Variants in KCNQ1 observed in about 807,000 individuals in gnomAD.
The protein encoded by KCNQ1 is potassium voltage-gated channel subfamily KQT member 1.
A neutral mutation model predicts 72.4 loss-of-function variants in KCNQ1; 49 were observed. The ratio of observed to expected loss-of-function variants is 0.68; its 90% CI spans 0.54 to 0.86. The LOEUF (loss-of-function observed/expected upper bound fraction) is 0.86. Ranked by LOEUF, KCNQ1 falls within the 40% of genes least tolerant of loss-of-function variation. The pLI, the probability that KCNQ1 is intolerant of heterozygous loss-of-function variation, is 0.00. For synonymous variants in KCNQ1, 450 were observed against 412.6 expected (o/e 1.09, Z -1.10); for missense variants, 790 against 945.1 (o/e 0.84, Z 2.15).
At chr11:2,743,141 C>A (rs751030560) in intron 11 of KCNQ1, among the ~76,000 whole-genome samples, 5 of 152,144 alleles carry the variant, frequency 3.3e-5, no homozygotes, top group Non-Finnish European at 5.9e-5. Context: ...GCCTGGAGAC[C>A]CAGTTGTCAT....
At chr11:2,806,328 C>T (rs1847372898) in intron 15 of KCNQ1, among the ~76,000 whole-genome samples, 2 of 152,074 alleles carry the variant, frequency 1.3e-5, no homozygotes, top group African/African-American at 4.8e-5. Flanking sequence ...GAGGGAGGTA[C>T]GCAGGGAGGC....
In KCNQ1 at chr11:2,711,292, TC is replaced by T. The variant is rs1851000435; in HGVS notation, c.1514+49215del. On this transcript the variant is annotated intron_variant, in intron 11 of 15. Coordinates refer to ENST00000155840, the MANE Select transcript of KCNQ1 (RefSeq NM_000218.3). This position sits in a 1 kb window ranked among gnomAD's most constrained non-coding sequence, Gnocchi z 5.4. ...TCCAGCCCATCTCCCTTGGAGTCTC[TC>T]CCCGACTCCAGGGCTCATGGCCCCT... is the stretch of plus-strand genomic sequence containing the variant. Among the ~76,000 whole-genome samples, 1 of 152,198 alleles carries T rather than the reference TC, an allele frequency of 6.6e-6. No homozygotes were observed. Among genetic ancestry groups the T allele is most frequent in the African/African-American group, 2.4e-5 (1 of 41,450 alleles).
chr11:2,812,826 T>C (rs1024629789), intron 15 of KCNQ1, among the ~76,000 whole-genome samples: 1 of 152,184 alleles, frequency 6.6e-6, no homozygotes, highest in Non-Finnish European at 1.5e-5. Context: ...CCCAGCCTCC[T>C]GGGGGCTTCC....
rs1004146759 is a variant in KCNQ1 at position 2,608,649 on chromosome 11, A to T, written c.1393+19795A>T. 1.0e-5 allele frequency: 4 copies of T among 398,392 alleles called. No homozygotes were observed. Among genetic ancestry groups the T allele is most frequent in the African/African-American group, 2.1e-5 (1 of 48,574 alleles). 24.7% of individuals were successfully genotyped at this position (398,392 alleles called of 1,614,324 possible). A position where few individuals can be genotyped will look rare whatever the true frequency, so the allele number is the denominator to read the frequency against. ...CTGTTATTCAAAAAATATTTTGTAGAGATAGGGTCTTGCTTTGTTGTGCAT... is the reference window on the plus strand; with the variant it reads ...CTGTTATTCAAAAAATATTTTGTAGTGATAGGGTCTTGCTTTGTTGTGCAT... On this transcript the variant is annotated intron_variant, in intron 10 of 15. Transcript: ENST00000155840. The surrounding 1 kb of genome is among the most constrained non-coding windows in gnomAD (Gnocchi z 4.6).
intron 15 of KCNQ1, among the ~76,000 whole-genome samples, chr11:2,789,037 C>T (rs1194722186): frequency 6.6e-6 from 1 of 152,104 alleles, no homozygotes; most frequent in Non-Finnish European, 1.5e-5. Context: ...TGGCCAGGGA[C>T]CGAGGCCCCG....
At chr11:2,529,791 G>T (rs1301819501) in intron 2 of KCNQ1, among the ~76,000 whole-genome samples, 1 of 152,184 alleles carries the variant, frequency 6.6e-6, no homozygotes, top group Non-Finnish European at 1.5e-5. Context: ...GCTGGGGGTG[G>T]TACCTGCGGC....
rs892226283 is a variant in KCNQ1 at position 2,473,928 on chromosome 11, A to C, written c.386+28444A>C. Among the ~76,000 whole-genome samples the C allele has an allele frequency of 1.3e-5, 2 of 152,200 alleles. No homozygotes were observed. The highest frequency in any genetic ancestry group is 4.8e-5 in the African/African-American group (2 of 41,462). ...CCCGGAACGGACATCCTCCTTCACC[A>C]AATCCGCAAAATAGGCCTGATGCCA... On this transcript the variant is annotated intron_variant, in intron 1 of 15. Coordinates refer to ENST00000155840, the MANE Select transcript of KCNQ1 (RefSeq NM_000218.3). The surrounding 1 kb of genome is among the most constrained non-coding windows in gnomAD (Gnocchi z 6.0).
In KCNQ1 at chr11:2,593,490, G is replaced by A. The variant is rs548476713; in HGVS notation, c.1393+4636G>A. ...CTGGAGGTGATTCTGAAGGGCTTCT[G>A]GGGAGGCGTCTTCAAAGCTGTGCCT... is the stretch of plus-strand genomic sequence containing the variant. On this transcript the variant is annotated intron_variant, in intron 10 of 15. Transcript: ENST00000155840. This position sits in a 1 kb window ranked among gnomAD's most constrained non-coding sequence, Gnocchi z 6.9. Among the ~76,000 whole-genome samples, 1 of 152,342 alleles carries A rather than the reference G, an allele frequency of 6.6e-6. No individual in the cohort carries two copies. The highest frequency in any genetic ancestry group is 2.1e-4 in the South Asian group (1 of 4,822).
At chr11:2,705,636 C>T (rs536074591) in intron 11 of KCNQ1, among the ~76,000 whole-genome samples, 357 of 152,282 alleles carry the variant, frequency 2.3e-3, no homozygotes, top group Middle Eastern at 0.01. Context: ...CCACAGCTGC[C>T]CCCCAGCCAA....
At position 2,764,829 on chromosome 11, in the gene KCNQ1, G is replaced by A. The variant is rs74530907; in HGVS notation, c.1515-4015G>A. On this transcript the variant is annotated intron_variant, in intron 11 of 15. Transcript: ENST00000155840. This position sits in a 1 kb window ranked among gnomAD's most constrained non-coding sequence, Gnocchi z 4.8. The stretch of plus-strand genomic sequence containing the variant: ...CTGAATAAATGTTTCTGCACCTCTA[G>A]GTCTATAGTGACATTCCATCTTTAA... Among the ~76,000 whole-genome samples, 13,510 of 152,074 alleles carry A rather than the reference G, an allele frequency of 0.089. 698 individuals carry two copies. The highest frequency in any genetic ancestry group is 0.14 in the Middle Eastern group (40 of 294).
intron 11 of KCNQ1, among the ~76,000 whole-genome samples, chr11:2,733,822 A>ACTCTCTCTCTCTCTCACTCT (rs1845900135): frequency 3.2e-5 from 3 of 92,468 alleles, no homozygotes; most frequent in East Asian, 3.1e-4. Flanking sequence ...ACACTCTCTC[A>ACTCTCTCTCTCTCTCACTCT]CTCTCTCTCT....
chr11:2,619,357 C>G (rs1341431668), intron 10 of KCNQ1: 2 of 398,382 alleles, frequency 5.0e-6, no homozygotes, highest in Non-Finnish European at 8.8e-6. Flanking sequence ...CCTTCTATAC[C>G]TGAACTGTTA....
intron 15 of KCNQ1, among the ~76,000 whole-genome samples, chr11:2,807,202 G>A (rs1386110257): frequency 6.6e-6 from 1 of 152,222 alleles, no homozygotes; most frequent in Non-Finnish European, 1.5e-5. Flanking sequence ...TGAGCTTTGG[G>A]CAAAATATTT....
rs1019143948 is a variant in KCNQ1 at position 2,803,359 on chromosome 11, G to A, written c.1794+25322G>A. On this transcript the variant is annotated intron_variant, in intron 15 of 15. Coordinates refer to ENST00000155840, the MANE Select transcript of KCNQ1 (RefSeq NM_000218.3). The surrounding 1 kb of genome is among the most constrained non-coding windows in gnomAD (Gnocchi z 6.4). ...GGCAGGACTCGGCGAGGTGGGGATG[G>A]GGCTTGGAGGATGTGGCAGAGTTCC... Among the ~76,000 whole-genome samples, 9 of 152,236 alleles carry A rather than the reference G, an allele frequency of 5.9e-5. No individual in the cohort carries two copies. The highest frequency in any genetic ancestry group is 1.3e-4 in the Non-Finnish European group (9 of 68,026).
Position 2,818,277 on chromosome 11 carries a change from TG to T in KCNQ1, c.1795-29487del, listed in dbSNP as rs1286930573. Among the ~76,000 whole-genome samples the T allele has an allele frequency of 6.6e-6, 1 of 152,150 alleles. No homozygotes were observed. The highest frequency in any genetic ancestry group is 1.5e-5 in the Non-Finnish European group (1 of 68,014). On this transcript the variant is annotated intron_variant, in intron 15 of 15. Coordinates refer to ENST00000155840, the MANE Select transcript of KCNQ1 (RefSeq NM_000218.3). This position sits in a 1 kb window ranked among gnomAD's most constrained non-coding sequence, Gnocchi z 7.2. Reference sequence around the variant, plus strand: ...CTTGTGCCCTTGTCACCCACTCCTGTGGGTACACAGCTTCCCTTTCTGCAAA... The same window carrying T: ...CTTGTGCCCTTGTCACCCACTCCTGTGGTACACAGCTTCCCTTTCTGCAAA...
At chr11:2,449,521 G>A (rs528414922) in intron 1 of KCNQ1, among the ~76,000 whole-genome samples, 22 of 152,072 alleles carry the variant, frequency 1.4e-4, no homozygotes, top group African/African-American at 5.1e-4. Flanking sequence ...GAGCTGGCAC[G>A]TCAGCTGCTG....
rs1849598537 is a variant in KCNQ1, at chr11:2,642,691, T to G, written c.1394-19270T>G. On this transcript the variant is annotated intron_variant, in intron 10 of 15. Coordinates refer to ENST00000155840, the MANE Select transcript of KCNQ1 (RefSeq NM_000218.3). This position sits in a 1 kb window ranked among gnomAD's most constrained non-coding sequence, Gnocchi z 4.3. Reference sequence around the variant, plus strand: ...GCTCTGATCTTCGTTATTTCTTTCCTTCTACTAATTTTATGTTTAGTATGG... The same window carrying G: ...GCTCTGATCTTCGTTATTTCTTTCCGTCTACTAATTTTATGTTTAGTATGG... The G allele has an allele frequency of 2.5e-6, 1 of 397,968 alleles. No individual in the cohort carries two copies. Among genetic ancestry groups the G allele is most frequent in the Non-Finnish European group, 4.4e-6 (1 of 225,708 alleles). The allele number at this position is 397,968 out of a possible 1,614,324, so 24.7% of individuals were successfully genotyped here.
chr11:2,558,138 T>C (rs1372774413), intron 2 of KCNQ1, among the ~76,000 whole-genome samples: 1 of 152,210 alleles, frequency 6.6e-6, no homozygotes, highest in African/African-American at 2.4e-5. Flanking sequence ...TTATGAGACG[T>C]AGGCCCCGCT....
intron 11 of KCNQ1, chr11:2,665,023 G>C (rs1850039396): frequency 2.5e-6 from 1 of 398,562 alleles, no homozygotes; most frequent in Non-Finnish European, 4.4e-6. Flanking sequence ...CCAGAGGTGG[G>C]GTGGGGGGTG....
Sources: gnomAD v4.1 joint callset for allele counts (sites outside exome capture counted in the v4.1 genomes callset) on GRCh38, gnomAD v4.1.1 for gene constraint, Gnocchi (gnomAD v3.1) non-coding constraint, MANE v1.5 for transcripts, NCBI Gene and HGNC (gene_info 2026-07-23, HGNC 2026-07-21) for gene names.